NUSAP1: variants seen among roughly 807,000 people sequenced by gnomAD.
NUSAP1 encodes the protein nucleolar and spindle associated protein 1.
In NUSAP1, 32 loss-of-function variants were observed where a neutral mutation model predicts 52.8. The ratio of observed to expected loss-of-function variants is 0.61; its 90% CI spans 0.46 to 0.81. NUSAP1 has a LOEUF of 0.81. NUSAP1 is among the 40% of genes least tolerant of loss of function. NUSAP1 has a pLI of 0.00. For missense variants in NUSAP1, 499 were observed against 522.3 expected, an observed-to-expected ratio of 0.96 and a Z score of 0.43; for synonymous variants, 195 against 183.1, an observed-to-expected ratio of 1.06 and a Z score of -0.52.
At chr15:41,359,752 C>T (rs1272788880) in intron 6 of NUSAP1, among the ~76,000 whole-genome samples, 1 of 151,866 alleles carries the variant, frequency 6.6e-6, no homozygotes, top group Non-Finnish European at 1.5e-5. Flanking sequence ...CTGCCTTTAG[C>T]CTCCCCAGTA....
chr15:41,352,910 T>C (rs908910526), intron 4 of NUSAP1, among the ~76,000 whole-genome samples: 2 of 152,102 alleles, frequency 1.3e-5, no homozygotes, highest in Non-Finnish European at 2.9e-5. Context: ...TTGTCTAATA[T>C]GTCCTCATGC....
chr15:41,378,620 A>ATTAGCCGGGCGGG (rs2050070664), intron 10 of NUSAP1, among the ~76,000 whole-genome samples: 1 of 152,058 alleles, frequency 6.6e-6, no homozygotes. Flanking sequence ...AAAATACAAA[A>ATTAGCCGGGCGGG]TTAGCCGGGC....
rs552930396 is a variant in NUSAP1 at position 41,339,841 on chromosome 15, G to T, written c.94-2545G>T. On this transcript the variant is annotated intron_variant, in intron 1 of 10. Transcript: ENST00000559596. ...TTGTCACCCAGGCTGGAGTGCAGTGGTGCGATTCCGGCTCACTGCAACCTC... is the reference window on the plus strand; with the variant it reads ...TTGTCACCCAGGCTGGAGTGCAGTGTTGCGATTCCGGCTCACTGCAACCTC... Among the ~76,000 whole-genome samples the T allele has an allele frequency of 1.6e-4, 25 of 152,050 alleles. No homozygotes were observed. The South Asian group carries it at 5.0e-3, about 30-fold the overall frequency.
intron 3 of NUSAP1, 193 bp downstream of exon 3, chr15:41,349,434 CT>C: frequency 2.0e-6 from 1 of 511,396 alleles, no homozygotes; most frequent in Non-Finnish European, 3.5e-6. Context: ...TCAGGAAGCA[CT>C]TTTTAAGTAT....
intron 10 of NUSAP1, among the ~76,000 whole-genome samples, chr15:41,378,663 G>A (rs573006115): frequency 2.6e-5 from 4 of 151,992 alleles, no homozygotes; most frequent in African/African-American, 4.8e-5. Flanking sequence ...CCAGCTACTC[G>A]GGAGGCTGAG....
intron 2 of NUSAP1, among the ~76,000 whole-genome samples, chr15:41,347,813 C>CAAAAAAAAAAA (rs374551463): frequency 1.0e-5 from 1 of 95,600 alleles, no homozygotes. Flanking sequence ...GACTCCGTCT[C>CAAAAAAAAAAA]AAAAAAAAAA....
At chr15:41,346,826 CAAAAATAA>C (rs1308686234) in intron 2 of NUSAP1, among the ~76,000 whole-genome samples, 2 of 129,892 alleles carry the variant, frequency 1.5e-5, no homozygotes, top group Non-Finnish European at 3.2e-5. Context: ...GACCCCGTCT[CAAAAATAA>C]ATAAATAAAT....
At chr15:41,375,677 A>T in intron 8 of NUSAP1, 35 bp from the exon 9 acceptor site, 1 of 1,295,534 alleles carries the variant, frequency 7.7e-7, no homozygotes. Flanking sequence ...CTTTGTTTCT[A>T]ATTAAGCTCT....
At chr15:41,346,938 C>A (rs904817294) in intron 2 of NUSAP1, among the ~76,000 whole-genome samples, 2 of 151,850 alleles carry the variant, frequency 1.3e-5, no homozygotes, top group South Asian at 4.2e-4. Context: ...TTTGGGAGGT[C>A]AAGGTGGGTG....
At chr15:41,355,980 A>G (rs2048954995) in intron 4 of NUSAP1, 59 bp from the exon 5 acceptor site, 1 of 1,105,970 alleles carries the variant, frequency 9.0e-7, no homozygotes, top group East Asian at 2.5e-5. Context: ...GCCCGGCCAC[A>G]TATTTCTTAA....
chr15:41,346,394 C>T (rs1318029163), intron 2 of NUSAP1, among the ~76,000 whole-genome samples: 1 of 152,034 alleles, frequency 6.6e-6, no homozygotes, highest in African/African-American at 2.4e-5. Context: ...TTGCTTTTGG[C>T]TTGACCTCAA....
intron 6 of NUSAP1, among the ~76,000 whole-genome samples, chr15:41,361,009 G>A (rs1047074067): frequency 3.3e-5 from 5 of 151,902 alleles, no homozygotes; most frequent in Admixed American, 6.6e-5. Context: ...CAGGAGAATC[G>A]CTTGAACCCA....
At chr15:41,344,825 C>CAGCT (rs2048501115) in intron 2 of NUSAP1, among the ~76,000 whole-genome samples, 1 of 152,024 alleles carries the variant, frequency 6.6e-6, no homozygotes, top group African/African-American at 2.4e-5. Flanking sequence ...GCTGTACTCC[C>CAGCT]AGCTACTCAA....
intron 6 of NUSAP1, 99 bp downstream of exon 6, chr15:41,358,357 C>T: frequency 1.6e-6 from 1 of 629,098 alleles, no homozygotes; most frequent in East Asian, 3.0e-5. Flanking sequence ...TGTCACTCTA[C>T]CAGTAGATTT....
intron 10 of NUSAP1, 23 bp from the exon 11 acceptor site, chr15:41,380,070 A>G: frequency 6.5e-7 from 1 of 1,542,790 alleles, no homozygotes; most frequent in South Asian, 1.2e-5. Flanking sequence ...CCTAGAGCTT[A>G]ATGTGTGACC....
chr15:41,365,418 AG>A lies in NUSAP1; in HGVS notation c.680del (p.Gly227GlufsTer40). On this transcript the variant is annotated frameshift_variant, in exon 7 of 11. Transcript: ENST00000559596. LOFTEE classifies it high-confidence loss of function. ...MNELKQQPIN[K>X]GGVRTPVPPR... ...TCTCTTCAGCAGCAGCCCATCAATA[AG>A]GGAGGGGTCAGGACTCCAGTACCTC... 6.2e-7 allele frequency: 1 copy of A among 1,608,390 alleles called. No homozygotes were observed. The highest frequency in any genetic ancestry group is 2.2e-5 in the East Asian group (1 of 44,720).
At chr15:41,333,674 A>G (rs910744061) in intron 1 of NUSAP1, among the ~76,000 whole-genome samples, 2 of 152,138 alleles carry the variant, frequency 1.3e-5, no homozygotes, top group African/African-American at 4.8e-5. Context: ...TAATCCCAGC[A>G]CTTTGGGAGG....
At chr15:41,376,719 TTTAAA>T (rs1261769701) in intron 9 of NUSAP1, among the ~76,000 whole-genome samples, 1 of 148,712 alleles carries the variant, frequency 6.7e-6, no homozygotes, top group Non-Finnish European at 1.5e-5. Context: ...AATAATTAAA[TTTAAA>T]TTAAAAAAAA....
intron 4 of NUSAP1, among the ~76,000 whole-genome samples, chr15:41,355,838 G>A: frequency 6.6e-6 from 1 of 151,518 alleles, no homozygotes; most frequent in East Asian, 1.9e-4. Flanking sequence ...CACCACGCCC[G>A]GCTGACTTTT....
Sources: allele counts gnomAD v4.1 joint callset (sites outside exome capture counted in the v4.1 genomes callset), GRCh38; gene constraint gnomAD v4.1.1; transcripts MANE v1.5; gene names NCBI Gene and HGNC (gene_info 2026-07-23, HGNC 2026-07-21).